The following ZMYND10 variants were observed in gnomAD, a reference collection of about 807,000 sequenced individuals.
The protein encoded by ZMYND10 is zinc finger MYND-type containing 10.
A neutral mutation model predicts 62.6 loss-of-function variants in ZMYND10; 52 were observed. The observed-to-expected ratio is 0.83, with a 90% CI of 0.67 to 1.05. The LOEUF is 1.05. ZMYND10 is among the 50% of genes least tolerant of loss of function. The pLI is 0.00. For missense variants in ZMYND10, 438 were observed against 543.3 expected (o/e 0.81, Z 1.93); for synonymous variants, 197 against 218.5 (o/e 0.90, Z 0.87).
chr3:50,344,661 G>T (rs1397618727), intron 2 of ZMYND10, among the ~76,000 whole-genome samples: 7 of 138,032 alleles, frequency 5.1e-5, no homozygotes, highest in South Asian at 2.3e-4. Context: ...CAGGTCATCT[G>T]CTGGTGACAC....
intron 8 of ZMYND10, 110 bp from the exon 9 acceptor site, chr3:50,342,250 C>A (rs1047861406): frequency 1.0e-5 from 16 of 1,578,402 alleles, no homozygotes; most frequent in Non-Finnish European, 1.4e-5. Flanking sequence ...CCATGTCCCA[C>A]TAGCTGGTGT....
intron 8 of ZMYND10, 73 bp downstream of exon 8, chr3:50,342,324 G>T: frequency 6.4e-7 from 1 of 1,554,844 alleles, no homozygotes; most frequent in Non-Finnish European, 8.7e-7. Context: ...AAGATAAACA[G>T]CAGGGACGCA....
At chr3:50,344,109 G>A (rs779672331) in intron 2 of ZMYND10, 13 of 492,786 alleles carry the variant, frequency 2.6e-5, no homozygotes, top group Non-Finnish European at 4.1e-5. Context: ...TGCCCTGCCT[G>A]CACCTGCACC....
intron 2 of ZMYND10, among the ~76,000 whole-genome samples, chr3:50,344,315 CTTTTTTTTTTTT>C (rs71080585): frequency 7.8e-6 from 1 of 128,694 alleles, no homozygotes; most frequent in Non-Finnish European, 1.7e-5. Context: ...AAGGACCTTT[CTTTTTTTTTTTT>C]TTTTTTTTGA....
Position 50,343,002 on chromosome 3 carries a change from A to C in ZMYND10, c.616T>G (p.Leu206Val), listed in dbSNP as rs1377297912. Reference sequence around the variant, plus strand: ...TTGTGTGTGCTAAGCATACGGCTCAAGGTGCTGAGAGAGAGGCTAGGGGCA... The same window carrying C: ...TTGTGTGTGCTAAGCATACGGCTCACGGTGCTGAGAGAGAGGCTAGGGGCA... Reference protein sequence around the residue: ...DCVDSLSLSTLSRMLSTHNLP... With the variant: ...DCVDSLSLSTVSRMLSTHNLP... The change falls in exon 7 of 12, where the codon TTG becomes GTG. Residue 206 changes from leucine to valine, a missense_variant. Leu to Val is a conservative substitution (Grantham distance 32). Transcript: ENST00000231749. 1 of 1,614,134 alleles carries C rather than the reference A, an allele frequency of 6.2e-7. No homozygotes were observed. The highest frequency in any genetic ancestry group is 2.2e-5 in the East Asian group (1 of 44,888).
chr3:50,342,020 C>T lies in ZMYND10; in HGVS notation c.994G>A (p.Glu332Lys). The change falls in exon 9 of 12, where the codon GAA becomes AAA. Residue 332 changes from glutamate (E) to lysine (K), a missense_variant. Glu to Lys is a moderately conservative substitution (Grantham distance 56). Transcript: ENST00000231749. ...TQPPKKDLVLEQIPEIWERLE... is the reference protein window; with the variant it reads ...TQPPKKDLVLKQIPEIWERLE... ...GCTAACTTTCCAGTGCCTACCTGTT[C>T]CAACACCAGGTCCTTCTTAGGAGGC... 1 of 1,614,200 alleles carries T rather than the reference C, an allele frequency of 6.2e-7. No homozygotes were observed. Among genetic ancestry groups the T allele is most frequent in the Non-Finnish European group, 8.5e-7 (1 of 1,180,034 alleles).
intron 7 of ZMYND10, 110 bp downstream of exon 7, chr3:50,342,808 A>G: frequency 6.8e-7 from 1 of 1,475,556 alleles, no homozygotes; most frequent in Non-Finnish European, 9.1e-7. Context: ...TGGTATCCTC[A>G]GTGGGCTTGG....
rs375969990 is a variant in ZMYND10, at chr3:50,342,505, C to G, written c.765G>C (p.Leu255=). The G allele has an allele frequency of 1.2e-6, 2 of 1,614,024 alleles. No homozygotes were observed. Among genetic ancestry groups the G allele is most frequent in the African/African-American group, 2.7e-5 (2 of 74,924 alleles). ...HTVAPSEQQK[L]SKLDGQVWIA... is the part of the protein sequence containing the mutation. ...TCCACACTTGCCCGTCCAACTTGCT[C>G]AGCTTTTGCTGCTCTGAGGGGGCCA... is the stretch of plus-strand genomic sequence containing the variant. Residue 255 remains leucine, a synonymous_variant, in exon 8 of 12, where the codon CTG becomes CTC. Coordinates refer to ENST00000231749, the MANE Select transcript of ZMYND10 (RefSeq NM_015896.4).
intron 2 of ZMYND10, 160 bp from the exon 3 acceptor site, chr3:50,344,010 T>C: frequency 1.6e-6 from 1 of 639,378 alleles, no homozygotes; most frequent in Non-Finnish European, 2.7e-6. Flanking sequence ...CTCTTGCACC[T>C]TGGACCTTCA....
intron 2 of ZMYND10, among the ~76,000 whole-genome samples, chr3:50,344,363 G>A (rs1436610401): frequency 4.1e-5 from 6 of 145,600 alleles, no homozygotes; most frequent in Admixed American, 2.7e-4. Context: ...TTGTCACCCA[G>A]GCTGGAGTGC....
Position 50,341,369 on chromosome 3 carries a change from T to A in ZMYND10, c.*41A>T, listed in dbSNP as rs1192133396. The A allele has an allele frequency of 6.2e-7, 1 of 1,611,532 alleles. No individual in the cohort carries two copies. The highest frequency in any genetic ancestry group is 1.7e-5 in the Admixed American group (1 of 59,994). On this transcript the variant is annotated 3_prime_UTR_variant, in exon 12 of 12. Coordinates refer to ENST00000231749, the MANE Select transcript of ZMYND10 (RefSeq NM_015896.4). Reference sequence around the variant, plus strand: ...GGTTCAGGGGTGCATTCTGGGTGGATTCCCTTGGCATGGGTGGTCGGCCCT... The same window carrying A: ...GGTTCAGGGGTGCATTCTGGGTGGAATCCCTTGGCATGGGTGGTCGGCCCT...
rs751715876 is a variant in ZMYND10 at position 50,342,004 on chromosome 3, C to G, written c.999+11G>C. ...ACAGTGGTCCTGAGCAGCTAACTTTCCAGTGCCTACCTGTTCCAACACCAG... is the reference window on the plus strand; with the variant it reads ...ACAGTGGTCCTGAGCAGCTAACTTTGCAGTGCCTACCTGTTCCAACACCAG... On this transcript the variant is annotated intron_variant, in intron 9 of 11. Transcript: ENST00000231749. 1 of 1,614,236 alleles carries G rather than the reference C, an allele frequency of 6.2e-7. No individual in the cohort carries two copies. Among genetic ancestry groups the G allele is most frequent in the East Asian group, 2.2e-5 (1 of 44,888 alleles).
intron 2 of ZMYND10, among the ~76,000 whole-genome samples, chr3:50,344,485 A>C (rs1667044675): frequency 6.6e-6 from 1 of 151,456 alleles, no homozygotes; most frequent in African/African-American, 2.4e-5. Flanking sequence ...TGCTCTGCAA[A>C]TTTTTGTATT....
At chr3:50,342,663 T>C in intron 7 of ZMYND10, 94 bp from the exon 8 acceptor site, 1 of 1,513,150 alleles carries the variant, frequency 6.6e-7, no homozygotes, top group Non-Finnish European at 8.9e-7. Context: ...TGCCTGGGAA[T>C]GGGAGAACCT....
chr3:50,343,349 G>A lies in ZMYND10; in HGVS notation c.468C>T (p.Gly156=). 1 of 1,612,554 alleles carries A rather than the reference G, an allele frequency of 6.2e-7. No individual in the cohort carries two copies. The highest frequency in any genetic ancestry group is 1.1e-5 in the South Asian group (1 of 90,902). ...TLLVAQSGCG[G]PPEGEGSQDS... ...CCTGGGATCCCTCCCCCTCAGGGGG[G>A]CCACCACAGCCACTCTGGGCCACCA... Residue 156 remains glycine (G), a synonymous_variant, in exon 5 of 12, where the codon GGC becomes GGT. Transcript: ENST00000231749.
chr3:50,341,594 C>T lies in ZMYND10; in HGVS notation c.1227G>A (p.Gln409=). 1 of 1,614,260 alleles carries T rather than the reference C, an allele frequency of 6.2e-7. No homozygotes were observed. The change falls in exon 11 of 12, where the codon CAG becomes CAA. Residue 409 remains glutamine (Q), a synonymous_variant. Coordinates refer to ENST00000231749, the MANE Select transcript of ZMYND10 (RefSeq NM_015896.4). ...CTCACCTGCAGCAATACCACTCATT[C>T]TGGCATCGTGAGCAGCGCTTAGAAG... The part of the protein sequence containing the change: ...AEASKRCSRC[Q]NEWYCCRECQ...
In ZMYND10 at chr3:50,344,966, A is replaced by G. The variant is rs145180844; in HGVS notation, c.201+158T>C. On this transcript the variant is annotated intron_variant, in intron 2 of 11. Transcript: ENST00000231749. ...GCCTGGTGTGCCAGAGTCCTGTCCA[A>G]TAGGGATACAAAATGAAACATGTAA... 1.4e-4 allele frequency: 94 copies of G among 648,996 alleles called. 2 individuals carry two copies. The East Asian group carries it at 2.6e-3, about 18-fold the overall frequency. 40.2% of individuals were successfully genotyped at this position (648,996 alleles called of 1,614,324 possible).
In ZMYND10 at chr3:50,341,610, C is replaced by T. The variant is rs781516139; in HGVS notation, c.1211G>A (p.Arg404His). 79 of 1,614,270 alleles carry T rather than the reference C, an allele frequency of 4.9e-5. No individual in the cohort carries two copies. The South Asian group carries it at 5.2e-4, about 11-fold the overall frequency. The change falls in exon 11 of 12, where the codon CGC becomes CAC. Residue 404 changes from arginine (R) to histidine (H), a missense_variant. Arg to His is a conservative substitution (Grantham distance 29, BLOSUM62 0). Transcript: ENST00000231749. Reference sequence around the variant, plus strand: ...CCACTCATTCTGGCATCGTGAGCAGCGCTTAGAAGCCTCTGCACTGCAGTA... The same window carrying T: ...CCACTCATTCTGGCATCGTGAGCAGTGCTTAGAAGCCTCTGCACTGCAGTA... ...CAYCSAEASK[R>H]CSRCQNEWYC...
Position 50,343,157 on chromosome 3 carries a change from G to C in ZMYND10, c.560C>G (p.Ala187Gly), listed in dbSNP as rs1249046533. 8 of 1,614,108 alleles carry C rather than the reference G, an allele frequency of 5.0e-6. No individual in the cohort carries two copies. The highest frequency in any genetic ancestry group is 6.8e-6 in the Non-Finnish European group (8 of 1,180,044). ...TGTGATGTAGCGTAGTACTGAGAGG[G>C]CCTTCAGTGCAATCTCAAATTCCAT... ...ELMEFEIALK[A>G]LSVLRYITDC... Residue 187 changes from alanine to glycine, a missense_variant, in exon 6 of 12, where the codon GCC (alanine) becomes GGC (glycine). Coordinates refer to ENST00000231749, the MANE Select transcript of ZMYND10 (RefSeq NM_015896.4).
Sources: allele counts gnomAD v4.1 joint callset (sites outside exome capture counted in the v4.1 genomes callset), GRCh38; gene constraint gnomAD v4.1.1; transcripts MANE v1.5; gene names NCBI Gene and HGNC (gene_info 2026-07-23, HGNC 2026-07-21).